The following BCAR1 variants were observed in gnomAD, a reference collection of about 807,000 sequenced individuals.
BCAR1 encodes the protein breast cancer anti-estrogen resistance protein 1.
In BCAR1, 30 loss-of-function variants were observed where a neutral mutation model predicts 67.6. That is an observed-to-expected ratio of 0.44 (90% CI 0.33 to 0.60). The LOEUF (loss-of-function observed/expected upper bound fraction) is 0.60. Among genes scored for constraint, BCAR1 ranks in the 20% least tolerant of loss-of-function variants. BCAR1 has a pLI of 0.02. For synonymous variants in BCAR1, 626 were observed against 556.7 expected, an observed-to-expected ratio of 1.12 and a Z score of -1.75; for missense variants, 1,313 against 1,222.3, an observed-to-expected ratio of 1.07 and a Z score of -1.11.
chr16:75,235,240 C>A lies in BCAR1; in HGVS notation c.1659G>T (p.Gln553His), dbSNP rs1302541347. The part of the protein sequence containing the change: ...RQLQKMEDVH[Q>H]TLVAHGQALD... ...GGGCCTGACCATGTGCCACCAGCGT[C>A]TGGTGCACGTCCTCCATCTTCTGCA... Residue 553 changes from glutamine to histidine, a missense_variant, in exon 5 of 7, where the codon CAG (glutamine) becomes CAT (histidine). This residue lies in a region of BCAR1 where 1,272 missense variants were observed against 1,137.5 expected (regional missense o/e 1.12). Transcript: ENST00000162330. 1 of 1,607,306 alleles carries A rather than the reference C, an allele frequency of 6.2e-7. No homozygotes were observed. Among genetic ancestry groups the A allele is most frequent in the Admixed American group, 1.7e-5 (1 of 59,918 alleles).
upstream of BCAR1, chr16:75,252,366 T>A: frequency 6.6e-7 from 1 of 1,521,350 alleles, no homozygotes; most frequent in Admixed American, 2.0e-5. Context: ...CTCCAACTCA[T>A]CTGCTTCAGC....
At chr16:75,248,474 C>G in intron 1 of BCAR1, 1 of 583,152 alleles carries the variant, frequency 1.7e-6, no homozygotes, top group Admixed American at 4.6e-5. Context: ...CGGGACCCAC[C>G]TGGAGGGGTC....
intron 1 of BCAR1, among the ~76,000 whole-genome samples, chr16:75,258,161 C>A (rs1322232421): frequency 2.0e-5 from 3 of 152,232 alleles, no homozygotes; most frequent in African/African-American, 7.2e-5. Context: ...CTTCCCTTGG[C>A]CTACCCCATG....
At position 75,230,263 on chromosome 16, in the gene BCAR1, C is replaced by T. The variant is rs192159402; in HGVS notation, c.2101-240G>A. On this transcript the variant is annotated intron_variant, in intron 6 of 6. Transcript: ENST00000162330. Reference sequence around the variant, plus strand: ...AAAAGGTCAGACTCCGTGCCCTGAACATTTTTGAAATGACAAGATGGACAA... The same window carrying T: ...AAAAGGTCAGACTCCGTGCCCTGAATATTTTTGAAATGACAAGATGGACAA... Among the ~76,000 whole-genome samples, 5 of 152,292 alleles carry T rather than the reference C, an allele frequency of 3.3e-5. No individual in the cohort carries two copies. In the East Asian group the frequency reaches 7.7e-4, roughly 24 times the overall value.
chr16:75,267,934 G>C, exon 1 of BCAR1: 1 of 1,603,350 alleles, frequency 6.2e-7, no homozygotes, highest in South Asian at 1.1e-5. Context: ...GGGATCCTTG[G>C]GTGTGGGCCT....
At chr16:75,264,132 G>A (rs778943574) in intron 1 of BCAR1, 24 of 1,298,262 alleles carry the variant, frequency 1.8e-5, no homozygotes, top group South Asian at 5.6e-5. Flanking sequence ...TACCCAGCCC[G>A]CTGTTCCTCT....
chr16:75,247,882 G>GC (rs1238997856), intron 1 of BCAR1: 2 of 665,480 alleles, frequency 3.0e-6, no homozygotes, highest in African/African-American at 3.6e-5. Context: ...CCTGTTCTCT[G>GC]CCCAAGACCC....
intron 1 of BCAR1, chr16:75,250,629 C>A: frequency 1.0e-6 from 1 of 985,478 alleles, no homozygotes; most frequent in Non-Finnish European, 1.2e-6. Context: ...CCCCTCACCC[C>A]GCACCCCTAG....
chr16:75,251,445 G>C, intron 1 of BCAR1, 26 bp downstream of exon 1: 1 of 1,460,534 alleles, frequency 6.8e-7, no homozygotes, highest in South Asian at 1.3e-5. Context: ...GCCCGTACGC[G>C]GCCCGGCCCC....
At chr16:75,259,789 T>A (rs1362073756) in intron 1 of BCAR1, among the ~76,000 whole-genome samples, 1 of 144,470 alleles carries the variant, frequency 6.9e-6, no homozygotes, top group Non-Finnish European at 1.5e-5. Context: ...GAGGTGGAGG[T>A]TGCAGTGAGC....
chr16:75,253,864 C>T (rs2077727235), upstream of BCAR1, among the ~76,000 whole-genome samples: 1 of 152,378 alleles, frequency 6.6e-6, no homozygotes, highest in South Asian at 2.1e-4. Context: ...TGCAGCCCCA[C>T]ATACCCAGCA....
chr16:75,248,053 C>T (rs771753090), intron 1 of BCAR1: 2 of 1,519,506 alleles, frequency 1.3e-6, no homozygotes, highest in South Asian at 1.1e-5. Flanking sequence ...GACACGATTA[C>T]CTCCATCTTA....
At chr16:75,252,192 C>G, upstream of BCAR1, 1 of 1,536,342 alleles carries the variant, frequency 6.5e-7, no homozygotes, top group Non-Finnish European at 8.7e-7. Context: ...AGCAGGGAGG[C>G]TGGCGAGCTC....
intron 6 of BCAR1, among the ~76,000 whole-genome samples, chr16:75,233,274 G>A (rs1412405992): frequency 1.3e-5 from 2 of 152,084 alleles, no homozygotes; most frequent in Admixed American, 6.5e-5. Flanking sequence ...TGGGGAGGCT[G>A]AGGCAGGAGA....
intron 1 of BCAR1, 98 bp downstream of exon 1, chr16:75,251,372 GC>G: frequency 7.0e-7 from 1 of 1,429,352 alleles, no homozygotes; most frequent in Admixed American, 2.5e-5. Context: ...CGGTTCCCAG[GC>G]CCCGCAGGTC....
intron 1 of BCAR1, among the ~76,000 whole-genome samples, chr16:75,260,177 G>A (rs1003669497): frequency 1.2e-4 from 18 of 152,144 alleles, no homozygotes; most frequent in African/African-American, 4.3e-4. Flanking sequence ...CTGGGTGACA[G>A]AGCGAGATTC....
chr16:75,229,449 T>G lies in BCAR1; in HGVS notation c.*62A>C, dbSNP rs974068065. ...GCCTGTGGCACAGCGACTCTTGACA[T>G]GGGAGCCAGGGAGCTGGGACCGCCG... On this transcript the variant is annotated 3_prime_UTR_variant, in exon 7 of 7. Coordinates refer to ENST00000162330, the MANE Select transcript of BCAR1 (RefSeq NM_014567.5). 2.7e-6 allele frequency: 4 copies of G among 1,455,620 alleles called. No homozygotes were observed. In the African/African-American group the frequency reaches 5.6e-5, roughly 21 times the overall value. 90.2% of individuals were successfully genotyped at this position (1,455,620 alleles called of 1,614,324 possible). A position where few individuals can be genotyped will look rare whatever the true frequency, so the allele number is the denominator to read the frequency against.
chr16:75,235,594 T>C lies in BCAR1; in HGVS notation c.1305A>G (p.Thr435=), dbSNP rs760463763. The C allele has an allele frequency of 6.3e-7, 1 of 1,591,336 alleles. No individual in the cohort carries two copies. The highest frequency in any genetic ancestry group is 1.7e-5 in the Admixed American group (1 of 57,166). The change falls in exon 5 of 7, where the codon ACA becomes ACG. Residue 435 remains threonine, a synonymous_variant. Transcript: ENST00000162330. The stretch of plus-strand genomic sequence containing the variant: ...AGGAGGACGCAGACTGGCTGCTGCG[T>C]GTGCTGCCGGTGCTGGAGGCCGACA... ...KRLSASSTGS[T]RSSQSASSLE... is the part of the protein sequence containing the mutation.
chr16:75,239,927 C>A (rs1347873441), intron 2 of BCAR1, among the ~76,000 whole-genome samples: 2 of 152,226 alleles, frequency 1.3e-5, no homozygotes, highest in African/African-American at 4.8e-5. Flanking sequence ...TCCTTAGACA[C>A]TGACCAGGGG....
Sources: gnomAD v4.1 joint callset for allele counts (sites outside exome capture counted in the v4.1 genomes callset) on GRCh38, gnomAD v4.1.1 for gene constraint, gnomAD v4.1.1 regional missense constraint, MANE v1.5 for transcripts, NCBI Gene and HGNC (gene_info 2026-07-23, HGNC 2026-07-21) for gene names.